DOCK8: variants seen among roughly 807,000 people sequenced by gnomAD.
DOCK8 encodes dedicator of cytokinesis protein 8.
A neutral mutation model predicts 245.6 loss-of-function variants in DOCK8; 141 were observed. The observed-to-expected ratio is 0.57, with a 90% CI of 0.50 to 0.66. The LOEUF is 0.66. Among genes scored for constraint, DOCK8 ranks in the 30% least tolerant of loss-of-function variants. The pLI is 0.00. For synonymous variants in DOCK8, 1,168 were observed against 970.2 expected (o/e 1.20, Z -3.79); for missense variants, 2,965 against 2,603.4 (o/e 1.14, Z -3.02).
In DOCK8 at chr9:275,260, A is replaced by G. The variant is rs571115685; in HGVS notation, c.156+3531A>G. Among the ~76,000 whole-genome samples, 4 of 152,338 alleles carry G rather than the reference A, an allele frequency of 2.6e-5. No individual in the cohort carries two copies. The South Asian group carries it at 8.3e-4, about 32-fold the overall frequency. On this transcript the variant is annotated intron_variant, in intron 2 of 47. Coordinates refer to ENST00000432829, the MANE Select transcript of DOCK8 (RefSeq NM_203447.4). ...CACTGTGGGAGATTAAAAGAAGATGATGAATAAAAGGTGACTTCAGCTCTG... is the reference window on the plus strand; with the variant it reads ...CACTGTGGGAGATTAAAAGAAGATGGTGAATAAAAGGTGACTTCAGCTCTG...
chr9:326,742 A>T (rs956906610), intron 8 of DOCK8, among the ~76,000 whole-genome samples: 4 of 151,992 alleles, frequency 2.6e-5, no homozygotes, highest in Non-Finnish European at 5.9e-5. Flanking sequence ...TCCCCAAATT[A>T]CTCTTGTCAC....
intron 1 of DOCK8, among the ~76,000 whole-genome samples, chr9:230,406 G>A (rs1298592467): frequency 2.0e-5 from 3 of 152,098 alleles, no homozygotes; most frequent in Non-Finnish European, 4.4e-5. Context: ...AGTCCTTTGG[G>A]AATATACCCA....
intron 28 of DOCK8, among the ~76,000 whole-genome samples, chr9:413,489 A>G (rs2055849608): frequency 6.6e-6 from 1 of 152,230 alleles, no homozygotes; most frequent in South Asian, 2.1e-4. Context: ...ATGGGAGAAA[A>G]TATTTGCAAA....
intron 14 of DOCK8, among the ~76,000 whole-genome samples, chr9:344,739 A>C (rs2051787124): frequency 6.6e-6 from 1 of 152,148 alleles, no homozygotes; most frequent in African/African-American, 2.4e-5. Flanking sequence ...GATTAGTCTT[A>C]TCACTCCCAA....
chr9:271,599 C>A, intron 1 of DOCK8, 28 bp from the exon 2 acceptor site: 1 of 1,434,372 alleles, frequency 7.0e-7, no homozygotes, highest in South Asian at 1.2e-5. Flanking sequence ...ATAATCATTT[C>A]ATTTAGATTT....
chr9:323,678 C>T (rs551350697), intron 7 of DOCK8, among the ~76,000 whole-genome samples: 22 of 152,194 alleles, frequency 1.4e-4, no homozygotes, highest in Admixed American at 4.6e-4. Context: ...TCCCTACTCC[C>T]CAGCCCCTGG....
rs553353800 is a variant in DOCK8, at chr9:416,653, A to G, written c.3701-1415A>G. ...AGAATACAGTCTTTCAAAAAGATGC[A>G]TCTGAATTCAGATTCCAGCCCCATT... On this transcript the variant is annotated intron_variant, in intron 29 of 47. Coordinates refer to ENST00000432829, the MANE Select transcript of DOCK8 (RefSeq NM_203447.4). Among the ~76,000 whole-genome samples, 4 of 152,352 alleles carry G rather than the reference A, an allele frequency of 2.6e-5. No homozygotes were observed. The East Asian group carries it at 5.8e-4, about 22-fold the overall frequency.
chr9:395,210 G>T lies in DOCK8; in HGVS notation c.2971-1575G>T, dbSNP rs181501309. On this transcript the variant is annotated intron_variant, in intron 24 of 47. Coordinates refer to ENST00000432829, the MANE Select transcript of DOCK8 (RefSeq NM_203447.4). ...TGTGTCCCAAACCAAAGAGGATGCC[G>T]CCATGAGGAGAAACCATGGTTTCTC... Among the ~76,000 whole-genome samples, 3 of 152,190 alleles carry T rather than the reference G, an allele frequency of 2.0e-5. No individual in the cohort carries two copies. The South Asian group carries it at 6.2e-4, about 32-fold the overall frequency.
At chr9:264,820 A>G (rs1193337791) in intron 1 of DOCK8, among the ~76,000 whole-genome samples, 2 of 152,198 alleles carry the variant, frequency 1.3e-5, no homozygotes, top group African/African-American at 2.4e-5. Context: ...CTTGAGATAG[A>G]TGTGTGTTTT....
intron 25 of DOCK8, 121 bp from the exon 26 acceptor site, chr9:399,025 C>T: frequency 3.4e-6 from 3 of 875,814 alleles, no homozygotes; most frequent in South Asian, 1.4e-5. Flanking sequence ...CGCCCAGTGC[C>T]ACCCAGAAGG....
chr9:316,884 TG>T (rs1158415969), intron 6 of DOCK8, among the ~76,000 whole-genome samples, 158 bp from the exon 7 acceptor site: 1 of 152,146 alleles, frequency 6.6e-6, no homozygotes, highest in African/African-American at 2.4e-5. Context: ...GGTTGGGGGT[TG>T]GAAGAGAAAC....
At chr9:436,521 C>G (rs974124725) in intron 39 of DOCK8, among the ~76,000 whole-genome samples, 1 of 152,076 alleles carries the variant, frequency 6.6e-6, no homozygotes, top group Admixed American at 6.5e-5. Context: ...TTCTTTTATT[C>G]CTTTTCCCAT....
rs558007695 is a variant in DOCK8, at chr9:367,875, C to A, written c.1680-143C>A. 4 of 686,134 alleles carry A rather than the reference C, an allele frequency of 5.8e-6. No homozygotes were observed. The South Asian group carries it at 6.6e-5, about 11-fold the overall frequency. 42.5% of individuals were successfully genotyped at this position (686,134 alleles called of 1,614,324 possible). On this transcript the variant is annotated intron_variant, in intron 14 of 47. Coordinates refer to ENST00000432829, the MANE Select transcript of DOCK8 (RefSeq NM_203447.4). ...AAGAGGAAGAATCAAGTAATTCACT[C>A]CCCCCAATAATAATTCACTTCTGAG...
At chr9:302,546 C>G (rs576281715) in intron 4 of DOCK8, among the ~76,000 whole-genome samples, 8 of 152,168 alleles carry the variant, frequency 5.3e-5, no homozygotes, top group Admixed American at 5.2e-4. Flanking sequence ...AAGAAACTAT[C>G]AACAGAGTAA....
intron 26 of DOCK8, among the ~76,000 whole-genome samples, chr9:401,268 A>C (rs1351981619): frequency 6.6e-6 from 1 of 152,232 alleles, no homozygotes; most frequent in Admixed American, 6.5e-5. Flanking sequence ...AAGCAGTGAC[A>C]TACAAGCTTC....
chr9:289,867 T>C (rs1011441660), intron 4 of DOCK8, among the ~76,000 whole-genome samples: 1 of 152,228 alleles, frequency 6.6e-6, no homozygotes, highest in Non-Finnish European at 1.5e-5. Flanking sequence ...CTTTTTGTGT[T>C]GTATATTCTA....
chr9:242,692 AC>A (rs1181405723), intron 1 of DOCK8, among the ~76,000 whole-genome samples: 2 of 152,128 alleles, frequency 1.3e-5, no homozygotes, highest in East Asian at 3.8e-4. Context: ...CTGAGACCAA[AC>A]CCATGTTTTT....
intron 5 of DOCK8, among the ~76,000 whole-genome samples, chr9:310,926 A>G (rs1388557414): frequency 5.3e-5 from 8 of 152,176 alleles, no homozygotes; most frequent in Admixed American, 3.9e-4. Flanking sequence ...TTCTGTCAAA[A>G]CAATATGGCA....
chr9:420,340 C>G, intron 30 of DOCK8, 61 bp from the exon 31 acceptor site: 3 of 1,597,476 alleles, frequency 1.9e-6, no homozygotes, highest in Non-Finnish European at 2.6e-6. Context: ...TGTTAAGCCT[C>G]AAATTTTTCT....
Sources: gnomAD v4.1 joint callset for allele counts (sites outside exome capture counted in the v4.1 genomes callset) on GRCh38, gnomAD v4.1.1 for gene constraint, MANE v1.5 for transcripts, NCBI Gene and HGNC (gene_info 2026-07-23, HGNC 2026-07-21) for gene names.